The following PDE7A variants were observed in gnomAD, a reference collection of about 807,000 sequenced individuals.
PDE7A encodes the protein phosphodiesterase 7A.
In PDE7A, 39 loss-of-function variants were observed where a neutral mutation model predicts 64.3. The observed-to-expected ratio is 0.61, with a 90% CI of 0.47 to 0.79. The LOEUF (loss-of-function observed/expected upper bound fraction) is 0.79. Among genes scored for constraint, PDE7A ranks in the 30% least tolerant of loss-of-function variants. The pLI is 0.00. For missense variants in PDE7A, 470 were observed against 582.8 expected, an observed-to-expected ratio of 0.81 and a Z score of 1.99; for synonymous variants, 203 against 206.8, an observed-to-expected ratio of 0.98 and a Z score of 0.16.
intron 1 of PDE7A, among the ~76,000 whole-genome samples, chr8:65,795,320 C>T (rs1809810082): frequency 6.6e-6 from 1 of 152,182 alleles, no homozygotes; most frequent in South Asian, 2.1e-4. Context: ...GCACAGCGGT[C>T]TCACAAAGCT....
intron 3 of PDE7A, among the ~76,000 whole-genome samples, chr8:65,776,172 A>G (rs917463779): frequency 1.3e-5 from 2 of 152,166 alleles, no homozygotes; most frequent in African/African-American, 4.8e-5. Context: ...ACAGGGTCCA[A>G]GATTCACTTG....
At chr8:65,804,632 G>C (rs759607188) in intron 1 of PDE7A, among the ~76,000 whole-genome samples, 5 of 150,788 alleles carry the variant, frequency 3.3e-5, no homozygotes, top group Non-Finnish European at 7.4e-5. Context: ...CTGCCTCCCG[G>C]ATTCAAGCTA....
chr8:65,753,123 G>GCA (rs998684393), intron 3 of PDE7A, among the ~76,000 whole-genome samples: 1 of 152,156 alleles, frequency 6.6e-6, no homozygotes, highest in Admixed American at 6.6e-5. Context: ...TTCTATGGCA[G>GCA]CACTATTCCA....
intron 3 of PDE7A, among the ~76,000 whole-genome samples, chr8:65,751,783 C>T (rs555366897): frequency 9.2e-5 from 14 of 152,296 alleles, no homozygotes; most frequent in East Asian, 7.7e-4. Flanking sequence ...TGAGCCACTG[C>T]GCCCAGCCCT....
rs550172286 is a variant in PDE7A, at chr8:65,727,466, G to A, written c.697-165C>T. 1.5e-5 allele frequency: 13 copies of A among 884,534 alleles called. No individual in the cohort carries two copies. In the South Asian group the frequency reaches 2.0e-4, roughly 14 times the overall value. The allele number at this position is 884,534 out of a possible 1,614,324, so 54.8% of individuals were successfully genotyped here. A position where few individuals can be genotyped will look rare whatever the true frequency, so the allele number is the denominator to read the frequency against. On this transcript the variant is annotated intron_variant, in intron 7 of 12. Coordinates refer to ENST00000401827, the MANE Select transcript of PDE7A (RefSeq NM_001242318.3). The stretch of plus-strand genomic sequence containing the variant: ...TTAGGTTCACCAAGCACATCTGCCA[G>A]GTCCTGATCTCATCACCACACTGGC...
At chr8:65,764,854 A>G (rs1211753338) in intron 3 of PDE7A, among the ~76,000 whole-genome samples, 3 of 152,244 alleles carry the variant, frequency 2.0e-5, no homozygotes, top group African/African-American at 7.2e-5. Context: ...GCTTTCATAC[A>G]GTCATTGTAA....
At chr8:65,828,506 G>C (rs1419689526) in intron 1 of PDE7A, among the ~76,000 whole-genome samples, 1 of 152,054 alleles carries the variant, frequency 6.6e-6, no homozygotes, top group African/African-American at 2.4e-5. Context: ...ACACTGAAAT[G>C]AATTAAAATA....
At chr8:65,810,201 C>T (rs2128929582) in intron 1 of PDE7A, among the ~76,000 whole-genome samples, 1 of 152,236 alleles carries the variant, frequency 6.6e-6, no homozygotes, top group East Asian at 1.9e-4. Flanking sequence ...TTTGTAGCGA[C>T]ATGGATGAAG....
At chr8:65,812,051 A>T (rs1810269844) in intron 1 of PDE7A, among the ~76,000 whole-genome samples, 4 of 148,030 alleles carry the variant, frequency 2.7e-5, no homozygotes. Flanking sequence ...TACAAAAAAT[A>T]CAAAAAATTA....
chr8:65,826,958 TC>T, intron 1 of PDE7A, among the ~76,000 whole-genome samples: 1 of 152,290 alleles, frequency 6.6e-6, no homozygotes, highest in South Asian at 2.1e-4. Flanking sequence ...ATGATTTTCT[TC>T]CTTGAGTGTG....
chr8:65,790,062 T>C (rs764543725), intron 1 of PDE7A, among the ~76,000 whole-genome samples: 5 of 152,046 alleles, frequency 3.3e-5, no homozygotes, highest in Non-Finnish European at 7.4e-5. Context: ...TGAGATAAAG[T>C]GTGATGGTGC....
At chr8:65,812,158 G>A (rs1034157692) in intron 1 of PDE7A, among the ~76,000 whole-genome samples, 15 of 149,240 alleles carry the variant, frequency 1.0e-4, no homozygotes, top group Non-Finnish European at 2.1e-4. Context: ...AGTGAGCCAA[G>A]AATGCACCAC....
intron 3 of PDE7A, among the ~76,000 whole-genome samples, chr8:65,758,566 C>T (rs909552300): frequency 2.6e-5 from 4 of 152,224 alleles, no homozygotes; most frequent in Non-Finnish European, 4.4e-5. Context: ...TGAATGTGAG[C>T]ACACACTTGT....
chr8:65,827,546 A>G (rs1810707649), intron 1 of PDE7A, among the ~76,000 whole-genome samples: 1 of 152,216 alleles, frequency 6.6e-6, no homozygotes, highest in Non-Finnish European at 1.5e-5. Flanking sequence ...AGAATGCAGC[A>G]TATTCCTCCA....
chr8:65,796,162 G>A (rs1809837650), intron 1 of PDE7A, among the ~76,000 whole-genome samples: 1 of 151,312 alleles, frequency 6.6e-6, no homozygotes, highest in East Asian at 1.9e-4. Flanking sequence ...CTGAACCTGT[G>A]AGCCTGCGGG....
chr8:65,801,567 T>A (rs1461669094), intron 1 of PDE7A, among the ~76,000 whole-genome samples: 1 of 151,796 alleles, frequency 6.6e-6, no homozygotes, highest in Non-Finnish European at 1.5e-5. Context: ...ACTAACGGAA[T>A]ACAATGAGCA....
chr8:65,747,214 G>C lies in PDE7A; in HGVS notation c.435+438C>G, dbSNP rs137944809. On this transcript the variant is annotated intron_variant, in intron 4 of 12. Coordinates refer to ENST00000401827, the MANE Select transcript of PDE7A (RefSeq NM_001242318.3). ...AATACACACACACACACAAAAAAGA[G>C]AGAGAGACCTAACTTTCTGTGCTGG... Among the ~76,000 whole-genome samples, 9 of 152,286 alleles carry C rather than the reference G, an allele frequency of 5.9e-5. No homozygotes were observed. In the East Asian group the frequency reaches 9.6e-4, roughly 16 times the overall value.
chr8:65,721,588 T>C (rs1806378450), intron 12 of PDE7A, among the ~76,000 whole-genome samples: 1 of 152,116 alleles, frequency 6.6e-6, no homozygotes, highest in Non-Finnish European at 1.5e-5. Flanking sequence ...TCTAGATCTG[T>C]ACAACACTGA....
intron 1 of PDE7A, among the ~76,000 whole-genome samples, chr8:65,825,814 G>C (rs1270679209): frequency 6.6e-6 from 1 of 152,196 alleles, no homozygotes; most frequent in East Asian, 1.9e-4. Flanking sequence ...AGGGTAAACA[G>C]GACTCCTGTT....
Sources: allele counts gnomAD v4.1 joint callset (sites outside exome capture counted in the v4.1 genomes callset), GRCh38; gene constraint gnomAD v4.1.1; transcripts MANE v1.5; gene names NCBI Gene and HGNC (gene_info 2026-07-23, HGNC 2026-07-21).